Variants in MPRIP observed in about 807,000 individuals in gnomAD.
MPRIP encodes myosin phosphatase Rho-interacting protein.
A neutral mutation model predicts 234.9 loss-of-function variants in MPRIP; 59 were observed. The ratio of observed to expected loss-of-function variants is 0.25; its 90% confidence interval spans 0.20 to 0.31. The LOEUF (loss-of-function observed/expected upper bound fraction) is 0.31, where lower values mean the gene tolerates loss of function less well. MPRIP is among the 10% of genes least tolerant of loss of function. The pLI is 1.00. For missense variants in MPRIP, 2,436 were observed against 3,071.0 expected (o/e 0.79, Z 4.89); for synonymous variants, 1,144 against 1,263.9 (o/e 0.91, Z 2.01).
chr17:17,058,389 G>T (rs2088770078), intron 1 of MPRIP, among the ~76,000 whole-genome samples: 1 of 150,364 alleles, frequency 6.7e-6, no homozygotes, highest in Non-Finnish European at 1.5e-5. Flanking sequence ...CCCGGGAGGG[G>T]AGCTCCAGGG....
At chr17:17,116,874 G>A (rs1262872235) in intron 3 of MPRIP, among the ~76,000 whole-genome samples, 2 of 152,256 alleles carry the variant, frequency 1.3e-5, no homozygotes, top group Non-Finnish European at 2.9e-5. Context: ...GGGCCCCAAG[G>A]CAAGGGCCAG....
chr17:17,147,277 AG>A, intron 10 of MPRIP, 41 bp from the exon 11 acceptor site: 1 of 1,585,530 alleles, frequency 6.3e-7, no homozygotes, highest in Non-Finnish European at 8.7e-7. Flanking sequence ...CATGCTGTAT[AG>A]GAGTTGGTAG....
At chr17:17,130,764 C>G (rs568481614) in intron 4 of MPRIP, among the ~76,000 whole-genome samples, 109 of 152,258 alleles carry the variant, frequency 7.2e-4, no homozygotes, top group Non-Finnish European at 1.3e-3. Context: ...CACTGCCCTC[C>G]GCTCCTCCCA....
In MPRIP at chr17:17,166,204, G is replaced by A. The variant is rs1466741780; in HGVS notation, c.4613G>A (p.Gly1538Asp). The A allele has an allele frequency of 7.7e-7, 1 of 1,303,206 alleles. No individual in the cohort carries two copies. Among genetic ancestry groups the A allele is most frequent in the Non-Finnish European group, 1.0e-6 (1 of 988,502 alleles). 80.7% of individuals were successfully genotyped at this position (1,303,206 alleles called of 1,614,324 possible). A position where few individuals can be genotyped will look rare whatever the true frequency, so the allele number is the denominator to read the frequency against. Residue 1538 changes from glycine to aspartate, a missense_variant, in exon 16 of 24, where the codon GGC (glycine) becomes GAC (aspartate). Physicochemically the swap from Gly to Asp is moderately conservative, Grantham distance 94. This residue lies in a region of MPRIP where 1,998 missense variants were observed against 2,520.3 expected (regional missense o/e 0.79). Transcript: ENST00000651222. This position sits in a 1 kb window ranked among gnomAD's most constrained non-coding sequence, Gnocchi z 4.4. Reference sequence around the variant, plus strand: ...GCCCGTGCACAGCTGGAGACAGGTGGCACCGAGGAGAATGGGAAGCCTGCC... The same window carrying A: ...GCCCGTGCACAGCTGGAGACAGGTGACACCGAGGAGAATGGGAAGCCTGCC... ...GGARAQLETG[G>D]TEENGKPASL...
rs2046230463 is a variant in MPRIP, at chr17:17,175,286, C to T, written c.6751-7C>T. On this transcript the variant is annotated splice_polypyrimidine_tract_variant and splice_region_variant and intron_variant, in intron 19 of 23. Coordinates refer to ENST00000651222, the MANE Select transcript of MPRIP (RefSeq NM_001364716.4). ...TGGAGTGTCACTGTTGTGTTGCTGT[C>T]CCCCAGGAGCTGAACAACCGCCTGG... The T allele has an allele frequency of 1.4e-5, 23 of 1,613,116 alleles. No individual in the cohort carries two copies. Among genetic ancestry groups the T allele is most frequent in the Non-Finnish European group, 1.9e-5 (23 of 1,179,944 alleles).
At chr17:17,061,762 T>G (rs1339983371) in intron 1 of MPRIP, among the ~76,000 whole-genome samples, 1 of 152,034 alleles carries the variant, frequency 6.6e-6, no homozygotes, top group Admixed American at 6.6e-5. Context: ...AGGGTTTGGG[T>G]GCCTGCCCCA....
At chr17:17,044,988 C>T (rs1199369233) in intron 1 of MPRIP, among the ~76,000 whole-genome samples, 4 of 152,178 alleles carry the variant, frequency 2.6e-5, no homozygotes, top group Non-Finnish European at 4.4e-5. Context: ...GAGGGAGACT[C>T]AGGGCTGTTG....
chr17:17,095,070 G>A (rs2089809227), intron 3 of MPRIP, among the ~76,000 whole-genome samples: 1 of 152,080 alleles, frequency 6.6e-6, no homozygotes, highest in South Asian at 2.1e-4. Flanking sequence ...CCTTCTGTTG[G>A]GGTCTGATTC....
chr17:17,090,976 C>G (rs1217152162), intron 3 of MPRIP, among the ~76,000 whole-genome samples: 6 of 151,940 alleles, frequency 3.9e-5, no homozygotes, highest in Non-Finnish European at 4.4e-5. Context: ...GTGATGGGCC[C>G]TAACGCTGTC....
At chr17:17,090,988 G>T (rs765514822) in intron 3 of MPRIP, among the ~76,000 whole-genome samples, 2 of 152,084 alleles carry the variant, frequency 1.3e-5, no homozygotes, top group Non-Finnish European at 2.9e-5. Context: ...AACGCTGTCA[G>T]GTGGCCAATA....
At chr17:17,111,834 T>G (rs951354772) in intron 3 of MPRIP, among the ~76,000 whole-genome samples, 1 of 152,058 alleles carries the variant, frequency 6.6e-6, no homozygotes, top group Non-Finnish European at 1.5e-5. Flanking sequence ...CACTGCCCAC[T>G]CACTCTCTGT....
At position 17,187,251 on chromosome 17, in the gene MPRIP, T is replaced by G. The variant is rs1001745598; in HGVS notation, c.*2357T>G. 2.0e-5 allele frequency: 3 copies of G among 152,230 alleles called. No homozygotes were observed. Among genetic ancestry groups the G allele is most frequent in the Non-Finnish European group, 4.4e-5 (3 of 68,044 alleles). 9.4% of individuals were successfully genotyped at this position (152,230 alleles called of 1,614,324 possible). A position where few individuals can be genotyped will look rare whatever the true frequency, so the allele number is the denominator to read the frequency against. On this transcript the variant is annotated 3_prime_UTR_variant, in exon 24 of 24. Transcript: ENST00000651222. ...CCTTGAGGCTGGACTTCAGGAATCC[T>G]GGAAAATTAATATGAGTGCAGCATG...
chr17:17,168,835 G>A (rs2046066300), intron 16 of MPRIP: 1 of 456,800 alleles, frequency 2.2e-6, no homozygotes, highest in Non-Finnish European at 4.4e-6. Context: ...GGCAGAGCCA[G>A]GCGCGCACAC....
chr17:17,173,105 GTTC>G (rs907562311), intron 18 of MPRIP, among the ~76,000 whole-genome samples: 1 of 152,274 alleles, frequency 6.6e-6, no homozygotes, highest in Admixed American at 6.5e-5. Context: ...GCCCAGATGT[GTTC>G]TTCGACAGCT....
rs1279369798 is a variant in MPRIP, at chr17:17,164,532, G to A, written c.2941G>A (p.Ala981Thr). The change falls in exon 16 of 24, where the codon GCG becomes ACG. Residue 981 changes from alanine (A) to threonine (T), a missense_variant. By Grantham distance (58) the Ala-to-Thr change is moderately conservative. Transcript: ENST00000651222. ...QELRGLETQQ[A>T]LQRDRQKEVQ... ...GCTACGGGGCCTGGAGACACAGCAG[G>A]CGCTGCAGCGGGACCGGCAGAAGGA... 5 of 1,208,824 alleles carry A rather than the reference G, an allele frequency of 4.1e-6. No homozygotes were observed. The highest frequency in any genetic ancestry group is 5.3e-6 in the Non-Finnish European group (5 of 947,324). The allele number at this position is 1,208,824 out of a possible 1,614,324, so 74.9% of individuals were successfully genotyped here. A position where few individuals can be genotyped will look rare whatever the true frequency, so the allele number is the denominator to read the frequency against.
intron 3 of MPRIP, among the ~76,000 whole-genome samples, chr17:17,086,127 A>G (rs1030727839): frequency 1.3e-5 from 2 of 152,050 alleles, no homozygotes; most frequent in Admixed American, 1.3e-4. Flanking sequence ...TGACTGGTGA[A>G]TGAGCAGTGC....
chr17:17,126,260 C>T (rs1443724885), intron 3 of MPRIP, among the ~76,000 whole-genome samples: 1 of 152,188 alleles, frequency 6.6e-6, no homozygotes, highest in Non-Finnish European at 1.5e-5. Context: ...AGTGCACCCA[C>T]CCCACAGCCT....
At chr17:17,089,386 C>A (rs753167173) in intron 3 of MPRIP, among the ~76,000 whole-genome samples, 6 of 152,230 alleles carry the variant, frequency 3.9e-5, no homozygotes, top group Non-Finnish European at 7.3e-5. Flanking sequence ...CAGTCTCTTG[C>A]TCCTGTCATC....
chr17:17,064,067 C>T (rs149238300), intron 1 of MPRIP, among the ~76,000 whole-genome samples: 1 of 152,166 alleles, frequency 6.6e-6, no homozygotes, highest in South Asian at 2.1e-4. Flanking sequence ...GAGAGGCCAG[C>T]AGAGCATACG....
Sources: allele counts gnomAD v4.1 joint callset (sites outside exome capture counted in the v4.1 genomes callset), GRCh38; gene constraint gnomAD v4.1.1; regional missense constraint gnomAD v4.1.1; non-coding constraint Gnocchi (gnomAD v3.1); transcripts MANE v1.5; gene names NCBI Gene and HGNC (gene_info 2026-07-23, HGNC 2026-07-21).